Variants in FBXL13 observed in about 807,000 individuals in gnomAD.
FBXL13 encodes F-box and leucine-rich repeat protein 13.
In FBXL13, 67 loss-of-function variants were observed where a neutral mutation model predicts 83.6. The ratio of observed to expected loss-of-function variants is 0.80; its 90% CI spans 0.66 to 0.98. The LOEUF (loss-of-function observed/expected upper bound fraction) is 0.98, where lower values mean the gene tolerates loss of function less well. Among genes scored for constraint, FBXL13 ranks in the 50% least tolerant of loss-of-function variants. The probability of loss-of-function intolerance (pLI) is 0.00; values close to 1 mark genes in which losing one functional copy is unlikely to be tolerated. For synonymous variants in FBXL13, 272 were observed against 299.5 expected, an observed-to-expected ratio of 0.91 and a Z score of 0.95; for missense variants, 822 against 866.5, an observed-to-expected ratio of 0.95 and a Z score of 0.64.
At chr7:102,880,213 G>C (rs1206952197) in intron 14 of FBXL13, among the ~76,000 whole-genome samples, 3 of 152,148 alleles carry the variant, frequency 2.0e-5, no homozygotes, top group Non-Finnish European at 4.4e-5. Context: ...TTTTTTAAAG[G>C]ATTGATGTGT....
intron 6 of FBXL13, among the ~76,000 whole-genome samples, chr7:102,986,739 A>G (rs1187458298): frequency 2.6e-5 from 4 of 151,434 alleles, no homozygotes; most frequent in African/African-American, 7.3e-5. Context: ...GTAAAGGAAT[A>G]AATATAACAT....
At chr7:103,070,662 C>T (rs1798863935) in intron 1 of FBXL13, among the ~76,000 whole-genome samples, 3 of 152,118 alleles carry the variant, frequency 2.0e-5, no homozygotes, top group South Asian at 2.1e-4. Context: ...AGCATCTGCT[C>T]GGCTTCTGGC....
At chr7:102,970,665 A>G (rs754454751) in intron 6 of FBXL13, among the ~76,000 whole-genome samples, 2 of 152,238 alleles carry the variant, frequency 1.3e-5, no homozygotes, top group Non-Finnish European at 2.9e-5. Context: ...AACAAGATTC[A>G]AAAGAAACCT....
intron 2 of FBXL13, among the ~76,000 whole-genome samples, chr7:103,033,176 G>T (rs541429470): frequency 2.6e-5 from 4 of 152,184 alleles, no homozygotes; most frequent in African/African-American, 9.6e-5. Flanking sequence ...TTTTGTTTTT[G>T]TTTTTCTTTT....
At chr7:102,911,836 T>C (rs1814737321) in intron 11 of FBXL13, among the ~76,000 whole-genome samples, 1 of 152,128 alleles carries the variant, frequency 6.6e-6, no homozygotes, top group African/African-American at 2.4e-5. Flanking sequence ...ATGTTGATGT[T>C]TAAAAAGCTA....
intron 6 of FBXL13, among the ~76,000 whole-genome samples, chr7:102,977,861 A>G (rs1827690116): frequency 6.6e-6 from 1 of 151,808 alleles, no homozygotes; most frequent in South Asian, 2.1e-4. Context: ...AAAACCAAAC[A>G]CTGCATATTC....
chr7:103,052,420 T>C (rs1425923733), intron 2 of FBXL13, among the ~76,000 whole-genome samples: 1 of 152,086 alleles, frequency 6.6e-6, no homozygotes, highest in Non-Finnish European at 1.5e-5. Flanking sequence ...ATCAAAAATA[T>C]TGAGGACTAA....
At chr7:102,996,914 C>G (rs925088246) in intron 6 of FBXL13, among the ~76,000 whole-genome samples, 1 of 152,084 alleles carries the variant, frequency 6.6e-6, no homozygotes, top group Non-Finnish European at 1.5e-5. Context: ...TAATATGAAA[C>G]AAATAGCCCT....
At chr7:102,903,197 AT>A (rs1813196410) in intron 11 of FBXL13, among the ~76,000 whole-genome samples, 1 of 151,870 alleles carries the variant, frequency 6.6e-6, no homozygotes, top group Non-Finnish European at 1.5e-5. Context: ...GTGGGTTTAC[AT>A]TTTTATTTCT....
At chr7:102,930,790 G>A (rs1033148696) in intron 9 of FBXL13, among the ~76,000 whole-genome samples, 2 of 152,114 alleles carry the variant, frequency 1.3e-5, no homozygotes, top group African/African-American at 2.4e-5. Flanking sequence ...CGCTTATGAT[G>A]TTAATTATGA....
intron 8 of FBXL13, among the ~76,000 whole-genome samples, chr7:102,958,116 C>G (rs1163891571): frequency 6.6e-6 from 1 of 152,044 alleles, no homozygotes; most frequent in Admixed American, 6.6e-5. Flanking sequence ...ATTCACAATA[C>G]CAAAGACTTG....
chr7:102,864,296 C>T (rs1422585468), intron 16 of FBXL13, among the ~76,000 whole-genome samples: 1 of 152,182 alleles, frequency 6.6e-6, no homozygotes, highest in Non-Finnish European at 1.5e-5. Context: ...TCTGCTTCTT[C>T]CTCCAGCTTT....
At chr7:102,982,897 T>C (rs1391860006) in intron 6 of FBXL13, among the ~76,000 whole-genome samples, 3 of 152,210 alleles carry the variant, frequency 2.0e-5, no homozygotes, top group African/African-American at 7.2e-5. Context: ...AGAATCTCTA[T>C]TTAGAGAACT....
chr7:103,024,635 G>C (rs1793646652), intron 6 of FBXL13, among the ~76,000 whole-genome samples: 1 of 149,594 alleles, frequency 6.7e-6, no homozygotes, highest in Non-Finnish European at 1.5e-5. Context: ...ATATTCCAAA[G>C]GGCTAATATT....
chr7:102,905,542 G>A (rs1204111393), intron 11 of FBXL13, among the ~76,000 whole-genome samples: 1 of 152,074 alleles, frequency 6.6e-6, no homozygotes, highest in Non-Finnish European at 1.5e-5. Context: ...AGAGATCAAT[G>A]TATCTTGTTT....
At chr7:102,919,371 C>T (rs569063535) in intron 10 of FBXL13, among the ~76,000 whole-genome samples, 1 of 152,122 alleles carries the variant, frequency 6.6e-6, no homozygotes, top group South Asian at 2.1e-4. Flanking sequence ...AAAATCGGAT[C>T]TAAAAATAAA....
intron 6 of FBXL13, among the ~76,000 whole-genome samples, chr7:103,020,729 C>T (rs906545636): frequency 6.6e-6 from 1 of 152,304 alleles, no homozygotes; most frequent in African/African-American, 2.4e-5. Flanking sequence ...AACTTCCATT[C>T]ACAATTGCTT....
chr7:102,888,010 C>T (rs182439586), intron 11 of FBXL13, among the ~76,000 whole-genome samples: 2 of 152,206 alleles, frequency 1.3e-5, no homozygotes, highest in East Asian at 3.9e-4. Flanking sequence ...GTTTTTGAAT[C>T]ATCTCCTACC....
At chr7:102,880,650 G>A (rs1323850790) in intron 14 of FBXL13, among the ~76,000 whole-genome samples, 2 of 152,146 alleles carry the variant, frequency 1.3e-5, no homozygotes, top group Non-Finnish European at 2.9e-5. Flanking sequence ...AATGTATCTT[G>A]CTGTTTCTGT....
Sources: gnomAD v4.1 joint callset for allele counts (sites outside exome capture counted in the v4.1 genomes callset) on GRCh38, gnomAD v4.1.1 for gene constraint, MANE v1.5 for transcripts, NCBI Gene and HGNC (gene_info 2026-07-23, HGNC 2026-07-21) for gene names.